The following PTPRT variants were observed in gnomAD, a reference collection of about 807,000 sequenced individuals.
PTPRT encodes protein tyrosine phosphatase receptor type T.
PTPRT carries 56 observed loss-of-function variants against 176.8 expected under a neutral mutation model. That is an observed-to-expected ratio of 0.32 (90% CI 0.26 to 0.40). PTPRT has a LOEUF of 0.40. PTPRT is among the 10% of genes least tolerant of loss of function. The pLI, the probability that PTPRT is intolerant of heterozygous loss-of-function variation, is 1.00. For missense variants in PTPRT, 1,540 were observed against 1,908.2 expected (o/e 0.81, Z 3.60); for synonymous variants, 783 against 739.0 (o/e 1.06, Z -0.96).
At chr20:42,218,602 A>T (rs1007095127) in intron 15 of PTPRT, among the ~76,000 whole-genome samples, 3 of 152,170 alleles carry the variant, frequency 2.0e-5, no homozygotes, top group African/African-American at 7.2e-5. Flanking sequence ...CTCTCCTTGC[A>T]CTGACCAGCT....
intron 1 of PTPRT, among the ~76,000 whole-genome samples, chr20:42,954,267 G>A (rs953176608): frequency 6.6e-6 from 1 of 152,172 alleles, no homozygotes; most frequent in African/African-American, 2.4e-5. Context: ...AGATTTTCCT[G>A]TTATCTAACC....
At chr20:42,472,768 T>A (rs1009626419) in intron 7 of PTPRT, among the ~76,000 whole-genome samples, 4 of 152,210 alleles carry the variant, frequency 2.6e-5, no homozygotes, top group Non-Finnish European at 5.9e-5. Context: ...AATACATGCA[T>A]CTAATAGAAA....
chr20:42,032,743 T>C, the PTPRT span, among the ~76,000 whole-genome samples: 1 of 152,182 alleles, frequency 6.6e-6, no homozygotes, highest in African/African-American at 2.4e-5. Flanking sequence ...TCTCTCTTGC[T>C]CTTGCTCTCT....
chr20:42,358,706 C>T (rs2058391251), intron 9 of PTPRT, among the ~76,000 whole-genome samples: 1 of 152,184 alleles, frequency 6.6e-6, no homozygotes, highest in Non-Finnish European at 1.5e-5. Flanking sequence ...AGGTGCCTGT[C>T]TCAACTCAGT....
Position 42,333,451 on chromosome 20 carries a change from C to T in PTPRT, c.1865+17177G>A, listed in dbSNP as rs2057995730. Among the ~76,000 whole-genome samples, 3 of 152,162 alleles carry T rather than the reference C, an allele frequency of 2.0e-5. No homozygotes were observed. In the South Asian group the frequency reaches 6.2e-4, roughly 32 times the overall value. ...GGTTCAAGCAATTCTCCTGCCTCAG[C>T]CTCCCGAGTAGCTGGGACTACAGGC... On this transcript the variant is annotated intron_variant, in intron 11 of 30. Coordinates refer to ENST00000373187, the MANE Select transcript of PTPRT (RefSeq NM_007050.6).
chr20:42,283,677 G>A (rs2057178399), intron 12 of PTPRT, among the ~76,000 whole-genome samples: 1 of 152,058 alleles, frequency 6.6e-6, no homozygotes, highest in African/African-American at 2.4e-5. Context: ...GAGTGCTAAA[G>A]GGTAAAGCAG....
chr20:42,790,075 G>A (rs2077350084), intron 3 of PTPRT, among the ~76,000 whole-genome samples: 1 of 152,196 alleles, frequency 6.6e-6, no homozygotes, highest in South Asian at 2.1e-4. Context: ...CTGCAAATGA[G>A]CACAGTGTAT....
At position 42,300,005 on chromosome 20, in the gene PTPRT, C is replaced by G. The variant is rs1253731695; in HGVS notation, c.2139+15718G>C. ...GGGTGTGGCGGCTCATGCCTGTAATCCCAACACTTTGGGAGGCTGAGGCAG... is the reference window on the plus strand; with the variant it reads ...GGGTGTGGCGGCTCATGCCTGTAATGCCAACACTTTGGGAGGCTGAGGCAG... On this transcript the variant is annotated intron_variant, in intron 12 of 30. Coordinates refer to ENST00000373187, the MANE Select transcript of PTPRT (RefSeq NM_007050.6). 2.6e-5 allele frequency among the ~76,000 whole-genome samples: 4 copies of G among 151,234 alleles called. No individual in the cohort carries two copies. The East Asian group carries it at 8.2e-4, about 31-fold the overall frequency.
chr20:42,845,766 A>G lies in PTPRT; in HGVS notation c.214+40041T>C, dbSNP rs114457147. Among the ~76,000 whole-genome samples, 623 of 152,308 alleles carry G rather than the reference A, an allele frequency of 4.1e-3. 5 individuals carry two copies. Among genetic ancestry groups the G allele is most frequent in the African/African-American group, 0.015 (606 of 41,568 alleles). On this transcript the variant is annotated intron_variant, in intron 2 of 30. Transcript: ENST00000373187. The stretch of plus-strand genomic sequence containing the variant: ...GAGCACTTGGTTAAGGGCAAGCGAG[A>G]TTATCCCAGAACACCTCAGGAAATC...
intron 25 of PTPRT, among the ~76,000 whole-genome samples, chr20:42,103,628 G>A (rs1390532009): frequency 1.3e-5 from 2 of 152,130 alleles, no homozygotes; most frequent in African/African-American, 2.4e-5. Flanking sequence ...ACCATGCCTG[G>A]CTCACTTGTT....
intron 1 of PTPRT, among the ~76,000 whole-genome samples, chr20:43,059,543 C>A (rs6065569): frequency 6.6e-6 from 1 of 152,212 alleles, no homozygotes; most frequent in Non-Finnish European, 1.5e-5. Context: ...TCATCTCCAA[C>A]TGAGACCTCA....
At chr20:42,279,958 A>G (rs2057111019) in intron 13 of PTPRT, among the ~76,000 whole-genome samples, 1 of 152,086 alleles carries the variant, frequency 6.6e-6, no homozygotes, top group African/African-American at 2.4e-5. Flanking sequence ...CCCATGAAGC[A>G]GCTGCCGTGA....
chr20:42,635,455 A>G (rs915327418), intron 7 of PTPRT, among the ~76,000 whole-genome samples: 4 of 152,274 alleles, frequency 2.6e-5, no homozygotes, highest in South Asian at 2.1e-4. Context: ...GAAAAATATA[A>G]TAGGCAACAA....
chr20:42,137,096 A>G (rs1489723552), intron 18 of PTPRT, among the ~76,000 whole-genome samples: 4 of 152,204 alleles, frequency 2.6e-5, no homozygotes, highest in Non-Finnish European at 2.9e-5. Flanking sequence ...AGGTGCTGGC[A>G]ATTTGAATTA....
At position 42,075,281 on chromosome 20, in the gene PTPRT, G is replaced by A. The variant is rs576960315; in HGVS notation, c.*5598C>T. On this transcript the variant is annotated 3_prime_UTR_variant, in exon 31 of 31. Coordinates refer to ENST00000373187, the MANE Select transcript of PTPRT (RefSeq NM_007050.6). Reference sequence around the variant, plus strand: ...GCTCAGACTGTTAAGTAATGGGGAAGCCAAGTCAGGGATTTGAGATGACAT... The same window carrying A: ...GCTCAGACTGTTAAGTAATGGGGAAACCAAGTCAGGGATTTGAGATGACAT... 4.3e-6 allele frequency: 1 copy of A among 234,526 alleles called. No individual in the cohort carries two copies. The highest frequency in any genetic ancestry group is 5.6e-5 in the Admixed American group (1 of 17,812). The allele number at this position is 234,526 out of a possible 1,614,324, so 14.5% of individuals were successfully genotyped here. A position where few individuals can be genotyped will look rare whatever the true frequency, so the allele number is the denominator to read the frequency against.
At chr20:42,187,108 T>A (rs918038126) in intron 16 of PTPRT, among the ~76,000 whole-genome samples, 55 of 152,008 alleles carry the variant, frequency 3.6e-4, no homozygotes, top group African/African-American at 1.3e-3. Context: ...TCACGACAGC[T>A]CCCCCACCCT....
chr20:42,226,105 A>G (rs1211855450), intron 15 of PTPRT, among the ~76,000 whole-genome samples: 2 of 152,166 alleles, frequency 1.3e-5, no homozygotes, highest in African/African-American at 4.8e-5. Context: ...ATGCACTTGT[A>G]ACATTATTTT....
chr20:42,797,803 GCTAT>G (rs1366685914), intron 2 of PTPRT, among the ~76,000 whole-genome samples: 1 of 152,094 alleles, frequency 6.6e-6, no homozygotes, highest in Non-Finnish European at 1.5e-5. Flanking sequence ...CAGTTGAGGA[GCTAT>G]CTGAGGAGGC....
intron 3 of PTPRT, 34 bp from the exon 4 acceptor site, chr20:42,780,333 A>T (rs771258934): frequency 6.5e-7 from 1 of 1,547,926 alleles, no homozygotes; most frequent in Non-Finnish European, 8.9e-7. Flanking sequence ...AATTTCACAG[A>T]AACAGTTGCA....
Sources: allele counts gnomAD v4.1 joint callset (sites outside exome capture counted in the v4.1 genomes callset), GRCh38; gene constraint gnomAD v4.1.1; transcripts MANE v1.5; gene names NCBI Gene and HGNC (gene_info 2026-07-23, HGNC 2026-07-21).